Variants in DCAF17 observed in about 807,000 individuals in gnomAD.
The protein encoded by DCAF17 is DDB1- and CUL4-associated factor 17.
Under a neutral mutation model 66.0 loss-of-function variants are expected in DCAF17, and 48 were observed. That is an observed-to-expected ratio of 0.73 (90% CI 0.58 to 0.92). DCAF17 has a LOEUF of 0.92. DCAF17 is among the 40% of genes least tolerant of loss of function. The probability of loss-of-function intolerance (pLI) is 0.00; values close to 1 mark genes in which losing one functional copy is unlikely to be tolerated. For synonymous variants in DCAF17, 206 were observed against 214.6 expected (o/e 0.96, Z 0.35); for missense variants, 562 against 622.8 (o/e 0.90, Z 1.04).
Position 171,482,240 on chromosome 2 carries a change from T to C in DCAF17, c.*1126T>C, listed in dbSNP as rs1282966811. 1 of 453,896 alleles carries C rather than the reference T, an allele frequency of 2.2e-6. No individual in the cohort carries two copies. The highest frequency in any genetic ancestry group is 2.3e-5 in the Admixed American group (1 of 42,558). 28.1% of individuals were successfully genotyped at this position (453,896 alleles called of 1,614,324 possible). Reference sequence around the variant, plus strand: ...TCGCATGTTCTGCACATTTATCCGATGTAACCTCAAAAGAATAACTGGTAA... The same window carrying C: ...TCGCATGTTCTGCACATTTATCCGACGTAACCTCAAAAGAATAACTGGTAA... On this transcript the variant is annotated 3_prime_UTR_variant, in exon 14 of 14. Coordinates refer to ENST00000375255, the MANE Select transcript of DCAF17 (RefSeq NM_025000.4).
In DCAF17 at chr2:171,482,662, T is replaced by A. The variant is rs2105304410; in HGVS notation, c.*1548T>A. On this transcript the variant is annotated 3_prime_UTR_variant, in exon 14 of 14. Transcript: ENST00000375255. ...AGGATGTCTTAAGACTTCAGTCATG[T>A]CAGAGATTTTTTTTTTTAGGTGATT... 2.2e-6 allele frequency: 1 copy of A among 453,868 alleles called. No homozygotes were observed. Among genetic ancestry groups the A allele is most frequent in the Non-Finnish European group, 4.4e-6 (1 of 226,756 alleles). The allele number at this position is 453,868 out of a possible 1,614,324, so 28.1% of individuals were successfully genotyped here. A position where few individuals can be genotyped will look rare whatever the true frequency, so the allele number is the denominator to read the frequency against.
At chr2:171,444,541 TAC>T (rs753000759) in intron 3 of DCAF17, among the ~76,000 whole-genome samples, 1 of 152,228 alleles carries the variant, frequency 6.6e-6, no homozygotes, top group Non-Finnish European at 1.5e-5. Flanking sequence ...ATCCCCAAGA[TAC>T]CTCATTATGC....
At chr2:171,450,403 T>C (rs2088128990) in intron 5 of DCAF17, among the ~76,000 whole-genome samples, 1 of 151,980 alleles carries the variant, frequency 6.6e-6, no homozygotes, top group Admixed American at 6.6e-5. Context: ...AATAAAAATA[T>C]TTTAAAAAAG....
At chr2:171,453,597 C>G (rs1223452878) in intron 6 of DCAF17, among the ~76,000 whole-genome samples, 1 of 151,992 alleles carries the variant, frequency 6.6e-6, no homozygotes, top group African/African-American at 2.4e-5. Flanking sequence ...CTAAAACTTG[C>G]TTTATGATAT....
intron 3 of DCAF17, among the ~76,000 whole-genome samples, chr2:171,447,090 A>G (rs1694669270): frequency 6.6e-6 from 1 of 151,956 alleles, no homozygotes; most frequent in African/African-American, 2.4e-5. Flanking sequence ...GGTATATGTC[A>G]TTATAGTTAT....
Position 171,483,896 on chromosome 2 carries a change from A to G in DCAF17, c.*2782A>G, listed in dbSNP as rs1197320466. 1 of 454,076 alleles carries G rather than the reference A, an allele frequency of 2.2e-6. No homozygotes were observed. Among genetic ancestry groups the G allele is most frequent in the African/African-American group, 2.0e-5 (1 of 50,122 alleles). 28.1% of individuals were successfully genotyped at this position (454,076 alleles called of 1,614,324 possible). A position where few individuals can be genotyped will look rare whatever the true frequency, so the allele number is the denominator to read the frequency against. The stretch of plus-strand genomic sequence containing the variant: ...TTTGTTCGGCATGAACTTGTGCCAA[A>G]TTTCCTCCAAAGTTCTCAAAAGGCA... On this transcript the variant is annotated 3_prime_UTR_variant, in exon 14 of 14. Transcript: ENST00000375255.
chr2:171,476,171 C>G (rs1351838470), intron 10 of DCAF17, among the ~76,000 whole-genome samples: 2 of 151,414 alleles, frequency 1.3e-5, no homozygotes, highest in Non-Finnish European at 1.5e-5. Context: ...GCATTTGAGA[C>G]TTTGAGCTTG....
chr2:171,458,029 G>GTATTGGT lies in DCAF17; in HGVS notation c.686_687insTATTGGT (p.Ser230IlefsTer10). ...CATGGAATACTGATTGTGATGTACAGCTCAGGACTGGTCAGACTCTATAGC... is the reference window on the plus strand; with the variant it reads ...CATGGAATACTGATTGTGATGTACAGTATTGGTCTCAGGACTGGTCAGACTCTATAGC... On this transcript the variant is annotated frameshift_variant, in exon 7 of 14. Transcript: ENST00000375255. LOFTEE classifies it high-confidence loss of function. The GTATTGGT allele has an allele frequency of 6.2e-7, 1 of 1,614,094 alleles. No individual in the cohort carries two copies. Among genetic ancestry groups the GTATTGGT allele is most frequent in the Non-Finnish European group, 8.5e-7 (1 of 1,179,978 alleles).
intron 6 of DCAF17, 130 bp downstream of exon 6, chr2:171,453,343 A>G: frequency 1.2e-5 from 8 of 668,510 alleles, no homozygotes; most frequent in Non-Finnish European, 2.0e-5. Context: ...AACTTGGTTT[A>G]TTTTGTAACA....
At chr2:171,438,751 C>T (rs191310154) in intron 2 of DCAF17, among the ~76,000 whole-genome samples, 1 of 151,748 alleles carries the variant, frequency 6.6e-6, no homozygotes, top group Non-Finnish European at 1.5e-5. Flanking sequence ...TTTTTTCCCC[C>T]CCAAAGTCAG....
chr2:171,458,104 C>T, intron 7 of DCAF17, 29 bp downstream of exon 7: 1 of 1,565,598 alleles, frequency 6.4e-7, no homozygotes, highest in Non-Finnish European at 8.8e-7. Flanking sequence ...TGTCATGTTA[C>T]TATTAGCATG....
chr2:171,441,243 C>T (rs558656819), intron 2 of DCAF17, among the ~76,000 whole-genome samples: 1 of 152,198 alleles, frequency 6.6e-6, no homozygotes, highest in Non-Finnish European at 1.5e-5. Context: ...TGCTTCTCCC[C>T]TCCTGCACAG....
At chr2:171,442,632 C>T (rs2105734911) in intron 2 of DCAF17, among the ~76,000 whole-genome samples, 1 of 150,428 alleles carries the variant, frequency 6.6e-6, no homozygotes, top group Admixed American at 6.6e-5. Context: ...GTCATCCCAA[C>T]ACTTCGGGAG....
chr2:171,441,081 T>A (rs1056099671), intron 2 of DCAF17, among the ~76,000 whole-genome samples: 1 of 152,178 alleles, frequency 6.6e-6, no homozygotes, highest in African/African-American at 2.4e-5. Context: ...TTAGCCTGTA[T>A]CTCCGCTGAG....
At chr2:171,465,065 G>T (rs1325538227) in intron 8 of DCAF17, among the ~76,000 whole-genome samples, 1 of 152,072 alleles carries the variant, frequency 6.6e-6, no homozygotes, top group Non-Finnish European at 1.5e-5. Context: ...AGGCGTGGTG[G>T]TGTGCACTTG....
chr2:171,482,720 C>A lies in DCAF17; in HGVS notation c.*1606C>A, dbSNP rs1365026961. The stretch of plus-strand genomic sequence containing the variant: ...TTCTCCTTCTCCTTTAAGTCATCAC[C>A]TTCCTTTTATGAAATGATAGTAAGG... On this transcript the variant is annotated 3_prime_UTR_variant, in exon 14 of 14. Coordinates refer to ENST00000375255, the MANE Select transcript of DCAF17 (RefSeq NM_025000.4). 1 of 452,030 alleles carries A rather than the reference C, an allele frequency of 2.2e-6. No homozygotes were observed. Among genetic ancestry groups the A allele is most frequent in the East Asian group, 7.0e-5 (1 of 14,382 alleles). 28.0% of individuals were successfully genotyped at this position (452,030 alleles called of 1,614,324 possible).
intron 3 of DCAF17, among the ~76,000 whole-genome samples, chr2:171,445,987 A>C (rs986046912): frequency 4.6e-5 from 7 of 152,092 alleles, no homozygotes; most frequent in Admixed American, 1.3e-4. Flanking sequence ...TCAGCCAAAA[A>C]CTTTTAAATC....
chr2:171,470,294 T>C (rs1425187062), intron 9 of DCAF17, among the ~76,000 whole-genome samples: 1 of 148,656 alleles, frequency 6.7e-6, no homozygotes, highest in Non-Finnish European at 1.5e-5. Flanking sequence ...AAGAATTTGC[T>C]TTTTTTTTTG....
In DCAF17 at chr2:171,483,093, CCAGAAGATA is replaced by C. The variant is rs1377231937; in HGVS notation, c.*1989_*1997del. ...TAACAAGATAGATGGTAAAAAGATG[CCAGAAGATA>C]CAGAAGATAGCAAAGAATGTGGGGA... On this transcript the variant is annotated 3_prime_UTR_variant, in exon 14 of 14. Transcript: ENST00000375255. The C allele has an allele frequency of 6.6e-6, 3 of 453,888 alleles. No individual in the cohort carries two copies. Among genetic ancestry groups the C allele is most frequent in the African/African-American group, 6.0e-5 (3 of 49,960 alleles). The allele number at this position is 453,888 out of a possible 1,614,324, so 28.1% of individuals were successfully genotyped here. A position where few individuals can be genotyped will look rare whatever the true frequency, so the allele number is the denominator to read the frequency against.
Sources: allele counts gnomAD v4.1 joint callset (sites outside exome capture counted in the v4.1 genomes callset), GRCh38; gene constraint gnomAD v4.1.1; transcripts MANE v1.5; gene names NCBI Gene and HGNC (gene_info 2026-07-23, HGNC 2026-07-21).